Variants in IFT22 observed in about 807,000 individuals in gnomAD.
IFT22 encodes intraflagellar transport 22.
Under a neutral mutation model 21.0 loss-of-function variants are expected in IFT22, and 13 were observed. That is an observed-to-expected ratio of 0.62 (90% CI 0.40 to 0.98). The LOEUF (loss-of-function observed/expected upper bound fraction) is 0.98, where lower values mean the gene tolerates loss of function less well. IFT22 is among the 50% of genes least tolerant of loss of function. The probability of loss-of-function intolerance (pLI) is 0.00; values close to 1 mark genes in which losing one functional copy is unlikely to be tolerated. For synonymous variants in IFT22, 67 were observed against 82.4 expected (o/e 0.81, Z 1.01); for missense variants, 227 against 228.9 (o/e 0.99, Z 0.06).
intron 3 of IFT22, among the ~76,000 whole-genome samples, chr7:101,317,810 G>A (rs540963976): frequency 3.3e-4 from 50 of 151,970 alleles, no homozygotes; most frequent in African/African-American, 1.1e-3. Flanking sequence ...TCTGCCTCCC[G>A]GGTTCAAGCA....
intron 2 of IFT22, 183 bp from the exon 3 acceptor site, chr7:101,318,396 T>C: frequency 8.8e-6 from 4 of 453,618 alleles, no homozygotes; most frequent in Non-Finnish European, 1.2e-5. Context: ...GGTGTGCACC[T>C]GTGATCTCAG....
At position 101,312,541 on chromosome 7, in the gene IFT22, T is replaced by TTTG. The variant is rs1438280996; in HGVS notation, c.*2592_*2593insCAA. On this transcript the variant is annotated 3_prime_UTR_variant, in exon 5 of 5. Coordinates refer to ENST00000315322, the MANE Select transcript of IFT22 (RefSeq NM_022777.4). ...ATGTTTTGGAGAGAGTTGTTTTTTT[T>TTTG]TTTTTTTTTTTTGTGACGGAGTCTC... 6.8e-6 allele frequency among the ~76,000 whole-genome samples: 1 copy of TTTG among 146,530 alleles called. No homozygotes were observed. Among genetic ancestry groups the TTTG allele is most frequent in the African/African-American group, 2.5e-5 (1 of 39,282 alleles).
Position 101,321,136 on chromosome 7 carries a change from C to G in IFT22, c.39+535G>C, listed in dbSNP as rs900181891. Among the ~76,000 whole-genome samples, 6 of 152,086 alleles carry G rather than the reference C, an allele frequency of 3.9e-5. No individual in the cohort carries two copies. In the East Asian group the frequency reaches 1.2e-3, roughly 30 times the overall value. On this transcript the variant is annotated intron_variant, in intron 1 of 4. Transcript: ENST00000315322. ...CCAGCCTGGGTGACAGGGCGAGACT[C>G]TGTCTCAAAAAAACAAAACAAAACA...
intron 1 of IFT22, among the ~76,000 whole-genome samples, chr7:101,320,558 CTTT>C (rs397889268): frequency 0.09 from 9,114 of 101,500 alleles, 590 homozygotes; most frequent in Admixed American, 0.27. Flanking sequence ...CGCGCCCGGC[CTTT>C]TTTTTTTTTT....
In IFT22 at chr7:101,319,894, C is replaced by T. The variant is rs1790280651; in HGVS notation, c.40-862G>A. ...GCTTGAGCTCAAGTGGTCTCCCCAC[C>T]TCAGCCTCCCAAAGTGCTGGCAGGT... On this transcript the variant is annotated intron_variant, in intron 1 of 4. Coordinates refer to ENST00000315322, the MANE Select transcript of IFT22 (RefSeq NM_022777.4). Among the ~76,000 whole-genome samples, 3 of 152,146 alleles carry T rather than the reference C, an allele frequency of 2.0e-5. 1 individual carries two copies. The highest frequency in any genetic ancestry group is 2.0e-4 in the Admixed American group (3 of 15,262).
intron 2 of IFT22, chr7:101,318,707 G>C (rs917363302): frequency 6.8e-6 from 3 of 443,348 alleles, no homozygotes; most frequent in African/African-American, 5.9e-5. Context: ...CACGATCATA[G>C]CTCACTGCAG....
Position 101,315,028 on chromosome 7 carries a change from G to A in IFT22, c.*106C>T. On this transcript the variant is annotated 3_prime_UTR_variant, in exon 5 of 5. Transcript: ENST00000315322. The stretch of plus-strand genomic sequence containing the variant: ...TCCTGCAGGTAGGAACACTTCCTCT[G>A]CAGTCAGAGGGAGAAGAAAACATCA... The A allele has an allele frequency of 3.2e-6, 4 of 1,269,408 alleles. No homozygotes were observed. Among genetic ancestry groups the A allele is most frequent in the Non-Finnish European group, 4.4e-6 (4 of 918,442 alleles). The allele number at this position is 1,269,408 out of a possible 1,614,324, so 78.6% of individuals were successfully genotyped here. A position where few individuals can be genotyped will look rare whatever the true frequency, so the allele number is the denominator to read the frequency against.
At chr7:101,316,291 G>A (rs2116921366) in intron 4 of IFT22, 49 bp downstream of exon 4, 1 of 1,571,616 alleles carries the variant, frequency 6.4e-7, no homozygotes, top group Non-Finnish European at 8.8e-7. Context: ...ATATGTAGGT[G>A]TCCAAAACAT....
At position 101,311,131 on chromosome 7, in the gene IFT22, C is replaced by T. The variant is rs1207846633; in HGVS notation, c.*4003G>A. ...GCCTCAGCCTCCTGAGTAGCTGGGA[C>T]TACAGGTGCCCGCCACCACACCCGG... On this transcript the variant is annotated 3_prime_UTR_variant, in exon 5 of 5. Transcript: ENST00000315322. The T allele has an allele frequency of 1.5e-5, 3 of 197,134 alleles. No individual in the cohort carries two copies. The highest frequency in any genetic ancestry group is 3.2e-5 in the Non-Finnish European group (3 of 93,834). The allele number at this position is 197,134 out of a possible 1,614,324, so 12.2% of individuals were successfully genotyped here.
chr7:101,316,569 G>C, intron 3 of IFT22, 27 bp from the exon 4 acceptor site: 2 of 1,607,924 alleles, frequency 1.2e-6, no homozygotes, highest in Non-Finnish European at 1.7e-6. Context: ...GAACAACAGG[G>C]AAAGTTAGGT....
In IFT22 at chr7:101,321,680, C is replaced by T. The variant is rs770610892; in HGVS notation, c.30G>A (p.Gly10=). The change falls in exon 1 of 5, where the codon GGG becomes GGA. Residue 10 remains glycine (G), a synonymous_variant. Coordinates refer to ENST00000315322, the MANE Select transcript of IFT22 (RefSeq NM_022777.4). ...CCGGGCCAGGACTTACCTCGCAAGG[C>T]CCCACGAAGAGGATCTTGGCTTTCA... The part of the protein sequence containing the change: MLKAKILFV[G]PCESGKTVLA... 3 of 1,603,350 alleles carry T rather than the reference C, an allele frequency of 1.9e-6. No homozygotes were observed. Among genetic ancestry groups the T allele is most frequent in the Non-Finnish European group, 1.7e-6 (2 of 1,175,238 alleles).
chr7:101,315,083 G>A lies in IFT22; in HGVS notation c.*51C>T, dbSNP rs748779040. ...CTGGATGTGATTTCAGATCTGCACC[G>A]AGAAACATGCTGATTTCACTGGGGA... On this transcript the variant is annotated 3_prime_UTR_variant, in exon 5 of 5. Coordinates refer to ENST00000315322, the MANE Select transcript of IFT22 (RefSeq NM_022777.4). 2.1e-5 allele frequency: 33 copies of A among 1,584,554 alleles called. No individual in the cohort carries two copies. Among genetic ancestry groups the A allele is most frequent in the Middle Eastern group, 1.8e-4 (1 of 5,608 alleles).
chr7:101,314,506 T>G lies in IFT22; in HGVS notation c.*628A>C, dbSNP rs1790081858. On this transcript the variant is annotated 3_prime_UTR_variant, in exon 5 of 5. Transcript: ENST00000315322. ...GCGTTTTGATTTTCTTTTTTGCATA[T>G]CCAAGACATTGCACTCAAGTTTCTG... The G allele has an allele frequency of 6.6e-6, 1 of 152,168 alleles. No individual in the cohort carries two copies. Among genetic ancestry groups the G allele is most frequent in the Non-Finnish European group, 1.5e-5 (1 of 68,080 alleles). 9.4% of individuals were successfully genotyped at this position (152,168 alleles called of 1,614,324 possible).
rs911401807 is a variant in IFT22, at chr7:101,312,235, C to T, written c.*2899G>A. Among the ~76,000 whole-genome samples, 1 of 152,044 alleles carries T rather than the reference C, an allele frequency of 6.6e-6. No individual in the cohort carries two copies. The highest frequency in any genetic ancestry group is 2.4e-5 in the African/African-American group (1 of 41,400). ...CTGGGGCAACATGGCAAAACCCCAT[C>T]TCTACAAAAAGTACAAAAATTAGCC... On this transcript the variant is annotated 3_prime_UTR_variant, in exon 5 of 5. Coordinates refer to ENST00000315322, the MANE Select transcript of IFT22 (RefSeq NM_022777.4).
chr7:101,316,634 G>T, intron 3 of IFT22, 92 bp from the exon 4 acceptor site: 1 of 1,341,562 alleles, frequency 7.5e-7, no homozygotes, highest in South Asian at 1.3e-5. Flanking sequence ...TTAAAAGTTG[G>T]TCTATGACGG....
At position 101,312,830 on chromosome 7, in the gene IFT22, C is replaced by T. The variant is rs950190789; in HGVS notation, c.*2304G>A. 8.0e-5 allele frequency among the ~76,000 whole-genome samples: 12 copies of T among 150,928 alleles called. No homozygotes were observed. Among genetic ancestry groups the T allele is most frequent in the African/African-American group, 2.4e-4 (10 of 41,030 alleles). On this transcript the variant is annotated 3_prime_UTR_variant, in exon 5 of 5. Coordinates refer to ENST00000315322, the MANE Select transcript of IFT22 (RefSeq NM_022777.4). ...GATTACAGGTGTGAGCCACTCCACTCGGCACTTTTTTCTTTTTTTTGAGAT... is the reference window on the plus strand; with the variant it reads ...GATTACAGGTGTGAGCCACTCCACTTGGCACTTTTTTCTTTTTTTTGAGAT...
At position 101,314,118 on chromosome 7, in the gene IFT22, A is replaced by G. The variant is rs934342713; in HGVS notation, c.*1016T>C. On this transcript the variant is annotated 3_prime_UTR_variant, in exon 5 of 5. Transcript: ENST00000315322. ...GTGATCCGCCTGCCTTAGCATCCCAAAGTGCTGGGATTACAAGTGTGAGCC... is the reference window on the plus strand; with the variant it reads ...GTGATCCGCCTGCCTTAGCATCCCAGAGTGCTGGGATTACAAGTGTGAGCC... 6.6e-6 allele frequency: 1 copy of G among 151,792 alleles called. No individual in the cohort carries two copies. The highest frequency in any genetic ancestry group is 1.5e-5 in the Non-Finnish European group (1 of 68,082). 9.4% of individuals were successfully genotyped at this position (151,792 alleles called of 1,614,324 possible). A position where few individuals can be genotyped will look rare whatever the true frequency, so the allele number is the denominator to read the frequency against.
At position 101,316,823 on chromosome 7, in the gene IFT22, C is replaced by G. The variant is rs560453314; in HGVS notation, c.207-281G>C. Among the ~76,000 whole-genome samples, 4 of 152,168 alleles carry G rather than the reference C, an allele frequency of 2.6e-5. No homozygotes were observed. The South Asian group carries it at 8.3e-4, about 32-fold the overall frequency. The stretch of plus-strand genomic sequence containing the variant: ...CCTATAGTCCCAGCTACTCGGGAGG[C>G]TGAGGCAGGAGAATGGCGTGAACCC... On this transcript the variant is annotated intron_variant, in intron 3 of 4. Transcript: ENST00000315322.
At position 101,311,537 on chromosome 7, in the gene IFT22, A is replaced by G. The variant is rs867286066; in HGVS notation, c.*3597T>C. ...TCCAGTAGACTGCTCACACAGCTAC[A>G]TGTCAGCCCTCCTCACTGTGAAAGT... On this transcript the variant is annotated 3_prime_UTR_variant, in exon 5 of 5. Coordinates refer to ENST00000315322, the MANE Select transcript of IFT22 (RefSeq NM_022777.4). Among the ~76,000 whole-genome samples the G allele has an allele frequency of 1.3e-5, 2 of 152,198 alleles. No homozygotes were observed. The highest frequency in any genetic ancestry group is 4.1e-4 in the South Asian group (2 of 4,822).
Sources: allele counts gnomAD v4.1 joint callset (sites outside exome capture counted in the v4.1 genomes callset), GRCh38; gene constraint gnomAD v4.1.1; transcripts MANE v1.5; gene names NCBI Gene and HGNC (gene_info 2026-07-23, HGNC 2026-07-21).